CNTNAP2: variants seen among roughly 807,000 people sequenced by gnomAD.
CNTNAP2 encodes the protein contactin associated protein 2, also known as contactin-associated protein-like 2.
CNTNAP2 carries 98 observed loss-of-function variants against 155.2 expected under a neutral mutation model. The observed-to-expected ratio is 0.63, with a 90% CI of 0.54 to 0.75. The LOEUF is 0.75. CNTNAP2 is among the 30% of genes least tolerant of loss of function. The pLI is 0.00. For synonymous variants in CNTNAP2, 651 were observed against 631.2 expected, an observed-to-expected ratio of 1.03 and a Z score of -0.47; for missense variants, 1,727 against 1,688.1, an observed-to-expected ratio of 1.02 and a Z score of -0.40.
intron 8 of CNTNAP2, among the ~76,000 whole-genome samples, chr7:147,246,042 T>TGCATATATATACACACATATATATG (rs1554457358): frequency 4.7e-4 from 50 of 106,482 alleles, no homozygotes; most frequent in South Asian, 3.4e-3. Context: ...ACATATAACG[T>TGCATATATATACACACATATATATG]GCATATATAT....
intron 14 of CNTNAP2, among the ~76,000 whole-genome samples, chr7:147,927,554 G>A (rs1348596276): frequency 2.6e-5 from 4 of 152,186 alleles, no homozygotes; most frequent in Middle Eastern, 3.4e-3. Flanking sequence ...GAATTGGTAG[G>A]CATAGGCTAG....
chr7:146,798,713 A>G (rs924478339), intron 2 of CNTNAP2, among the ~76,000 whole-genome samples: 2 of 152,176 alleles, frequency 1.3e-5, no homozygotes, highest in Non-Finnish European at 2.9e-5. Context: ...TGACAATGTA[A>G]CTAATACAAT....
chr7:147,372,493 T>C (rs1399495321), intron 9 of CNTNAP2, among the ~76,000 whole-genome samples: 2 of 152,146 alleles, frequency 1.3e-5, no homozygotes, highest in Non-Finnish European at 2.9e-5. Context: ...TCCTGAACTC[T>C]ATCCCAGGAA....
intron 1 of CNTNAP2, among the ~76,000 whole-genome samples, chr7:146,637,392 CA>C (rs1799617116): frequency 2.0e-5 from 3 of 152,178 alleles, no homozygotes; most frequent in African/African-American, 7.2e-5. Flanking sequence ...CATGCATAGC[CA>C]AGTTCCTTGT....
chr7:147,297,320 T>C (rs970902470), intron 8 of CNTNAP2, among the ~76,000 whole-genome samples: 1 of 115,720 alleles, frequency 8.6e-6, no homozygotes, highest in African/African-American at 3.5e-5. Context: ...GTTTTAACTT[T>C]AGGGTTTTTT....
intron 1 of CNTNAP2, among the ~76,000 whole-genome samples, chr7:146,442,993 T>C (rs1195031507): frequency 2.0e-5 from 3 of 151,722 alleles, no homozygotes; most frequent in Non-Finnish European, 4.4e-5. Flanking sequence ...GATCACCAGG[T>C]CAGGAAATCG....
At chr7:146,240,132 A>T (rs1409749000) in intron 1 of CNTNAP2, among the ~76,000 whole-genome samples, 1 of 152,120 alleles carries the variant, frequency 6.6e-6, no homozygotes, top group Non-Finnish European at 1.5e-5. Flanking sequence ...TGTATTAACT[A>T]TTGGGTTTCA....
chr7:148,143,449 T>C lies in CNTNAP2; in HGVS notation c.2555-4042T>C, dbSNP rs149715255. 1.2e-4 allele frequency among the ~76,000 whole-genome samples: 18 copies of C among 152,224 alleles called. No homozygotes were observed. The East Asian group carries it at 3.3e-3, about 28-fold the overall frequency. On this transcript the variant is annotated intron_variant, in intron 16 of 23. Transcript: ENST00000361727. Reference sequence around the variant, plus strand: ...ATCCTAGCACACTGGGAGTCTGAGATGGGTGGATAGCTTGAGCCCACGATT... The same window carrying C: ...ATCCTAGCACACTGGGAGTCTGAGACGGGTGGATAGCTTGAGCCCACGATT...
intron 1 of CNTNAP2, among the ~76,000 whole-genome samples, chr7:146,355,752 G>C (rs1176366126): frequency 6.6e-6 from 1 of 152,028 alleles, no homozygotes; most frequent in Non-Finnish European, 1.5e-5. Flanking sequence ...CTTTTGTCTT[G>C]TTCAAGTAGT....
chr7:146,925,275 A>C (rs1216227598), intron 3 of CNTNAP2, among the ~76,000 whole-genome samples: 3 of 152,128 alleles, frequency 2.0e-5, no homozygotes, highest in Non-Finnish European at 2.9e-5. Flanking sequence ...TTTCACAGAA[A>C]GTAAGTTTCA....
chr7:147,209,492 C>T (rs1296910446), intron 8 of CNTNAP2, among the ~76,000 whole-genome samples: 1 of 151,984 alleles, frequency 6.6e-6, no homozygotes, highest in Non-Finnish European at 1.5e-5. Context: ...AGACTTTAGG[C>T]AGAGTCCTCA....
At chr7:146,742,345 G>A (rs1042405968) in intron 1 of CNTNAP2, among the ~76,000 whole-genome samples, 2 of 152,102 alleles carry the variant, frequency 1.3e-5, no homozygotes, top group Non-Finnish European at 2.9e-5. Context: ...CTGACCACCA[G>A]TATGTTCACC....
At chr7:147,564,907 G>A (rs531919745) in intron 12 of CNTNAP2, among the ~76,000 whole-genome samples, 27 of 152,102 alleles carry the variant, frequency 1.8e-4, no homozygotes, top group Non-Finnish European at 3.4e-4. Flanking sequence ...GAAGAATCTT[G>A]CCTTACAGGC....
intron 8 of CNTNAP2, among the ~76,000 whole-genome samples, chr7:147,140,751 C>G (rs146060990): frequency 6.6e-6 from 1 of 152,046 alleles, no homozygotes; most frequent in South Asian, 2.1e-4. Flanking sequence ...ATCCTAGGAT[C>G]GAGAGACCTG....
chr7:148,055,420 G>A (rs530998295), intron 15 of CNTNAP2, among the ~76,000 whole-genome samples: 1 of 152,072 alleles, frequency 6.6e-6, no homozygotes, highest in African/African-American at 2.4e-5. Flanking sequence ...TAAAAGAGTG[G>A]CCCATGGTGC....
chr7:147,278,318 C>T (rs1054615704), intron 8 of CNTNAP2, among the ~76,000 whole-genome samples: 2 of 151,680 alleles, frequency 1.3e-5, no homozygotes, highest in African/African-American at 4.8e-5. Flanking sequence ...AAGCAATGTT[C>T]ACTGACTTTT....
intron 1 of CNTNAP2, among the ~76,000 whole-genome samples, chr7:146,242,504 AC>A (rs2116929431): frequency 6.6e-6 from 1 of 151,550 alleles, no homozygotes; most frequent in African/African-American, 2.4e-5. Context: ...GTGCCACTGC[AC>A]TCCAGCCTGG....
At chr7:147,883,523 T>C (rs546197519) in intron 13 of CNTNAP2, among the ~76,000 whole-genome samples, 1 of 152,290 alleles carries the variant, frequency 6.6e-6, no homozygotes, top group East Asian at 1.9e-4. Flanking sequence ...ATTCTGCAAA[T>C]GTATGTTCAG....
At chr7:146,642,550 G>A (rs1799730350) in intron 1 of CNTNAP2, among the ~76,000 whole-genome samples, 1 of 151,378 alleles carries the variant, frequency 6.6e-6, no homozygotes, top group South Asian at 2.1e-4. Flanking sequence ...TCTTCATCCA[G>A]TCTATCATTG....
Sources: allele counts gnomAD v4.1 joint callset (sites outside exome capture counted in the v4.1 genomes callset), GRCh38; gene constraint gnomAD v4.1.1; transcripts MANE v1.5; gene names NCBI Gene and HGNC (gene_info 2026-07-23, HGNC 2026-07-21).